MYRIP: variants seen among roughly 807,000 people sequenced by gnomAD.
The protein encoded by MYRIP is rab effector MyRIP.
In MYRIP, 49 loss-of-function variants were observed where a neutral mutation model predicts 98.0. The ratio of observed to expected loss-of-function variants is 0.50; its 90% CI spans 0.40 to 0.63. The LOEUF is 0.63. MYRIP is among the 30% of genes least tolerant of loss of function. The pLI, the probability that MYRIP is intolerant of heterozygous loss-of-function variation, is 0.00. For missense variants in MYRIP, 1,004 were observed against 1,058.2 expected (o/e 0.95, Z 0.71); for synonymous variants, 404 against 409.5 (o/e 0.99, Z 0.16).
intron 1 of MYRIP, among the ~76,000 whole-genome samples, chr3:39,848,679 T>C (rs1292280471): frequency 6.6e-6 from 1 of 152,248 alleles, no homozygotes; most frequent in Admixed American, 6.5e-5. Context: ...AAGTGAAGTA[T>C]ATCAGAAATC....
chr3:39,870,934 T>G (rs1376247840), intron 1 of MYRIP, among the ~76,000 whole-genome samples: 1 of 152,216 alleles, frequency 6.6e-6, no homozygotes, highest in Non-Finnish European at 1.5e-5. Context: ...TGTCATGTCT[T>G]CAGGTTTTCT....
chr3:40,108,619 A>G (rs1224439205), intron 3 of MYRIP, among the ~76,000 whole-genome samples: 2 of 152,192 alleles, frequency 1.3e-5, no homozygotes, highest in Admixed American at 6.5e-5. Flanking sequence ...AACAATGAGG[A>G]GGTTAAACAC....
rs199590074 is a variant in MYRIP at position 39,955,854 on chromosome 3, CA to C, written c.110+54936del. ...GAAGATCTACCAAGAAAATGGAAAA[CA>C]AAAAAAAGCAGGGGTTGCAATCATA... On this transcript the variant is annotated intron_variant, in intron 2 of 16. Coordinates refer to ENST00000302541, the MANE Select transcript of MYRIP (RefSeq NM_015460.4). 9.5e-3 allele frequency among the ~76,000 whole-genome samples: 1,437 copies of C among 151,070 alleles called. 24 individuals are homozygous for C. Among genetic ancestry groups the C allele is most frequent in the African/African-American group, 0.033 (1,378 of 41,210 alleles).
At chr3:40,176,838 G>A (rs1252301163) in intron 8 of MYRIP, among the ~76,000 whole-genome samples, 2 of 146,826 alleles carry the variant, frequency 1.4e-5, no homozygotes, top group African/African-American at 5.1e-5. Flanking sequence ...GAACCCAGGA[G>A]GCAGAGGTTG....
Position 40,014,137 on chromosome 3 carries a change from A to G in MYRIP, c.111-29913A>G, listed in dbSNP as rs563255572. Among the ~76,000 whole-genome samples, 5 of 152,318 alleles carry G rather than the reference A, an allele frequency of 3.3e-5. No homozygotes were observed. In the East Asian group the frequency reaches 9.6e-4, roughly 29 times the overall value. ...TTTGCTTTCCTGTGAAACTGTGATG[A>G]TTTAAGATTCTTATTTAATTAAATG... On this transcript the variant is annotated intron_variant, in intron 2 of 16. Transcript: ENST00000302541.
chr3:40,095,505 C>G (rs1410438487), intron 3 of MYRIP, among the ~76,000 whole-genome samples: 3 of 152,174 alleles, frequency 2.0e-5, no homozygotes, highest in Non-Finnish European at 4.4e-5. Context: ...TCTGCCTTCA[C>G]ACTCTGAGAA....
At chr3:39,916,932 A>G (rs989262411) in intron 2 of MYRIP, among the ~76,000 whole-genome samples, 1 of 152,154 alleles carries the variant, frequency 6.6e-6, no homozygotes, top group African/African-American at 2.4e-5. Context: ...AACATGCACT[A>G]TCATAAATTT....
At chr3:39,865,064 A>G (rs1444266158) in intron 1 of MYRIP, among the ~76,000 whole-genome samples, 2 of 152,192 alleles carry the variant, frequency 1.3e-5, no homozygotes, top group Admixed American at 1.3e-4. Flanking sequence ...AGAACTCCCT[A>G]TTCAATAAAT....
intron 3 of MYRIP, among the ~76,000 whole-genome samples, chr3:40,071,693 G>A (rs1234858390): frequency 1.3e-5 from 2 of 152,152 alleles, no homozygotes; most frequent in Non-Finnish European, 1.5e-5. Flanking sequence ...TGCTGGGGAG[G>A]TTGGGGTGGA....
At chr3:39,823,928 C>T (rs956099380) in intron 1 of MYRIP, among the ~76,000 whole-genome samples, 8 of 151,944 alleles carry the variant, frequency 5.3e-5, no homozygotes, top group Non-Finnish European at 1.2e-4. Flanking sequence ...AAATCTTTTT[C>T]CAGATCAATG....
chr3:40,198,161 CCTAAATATTTTAGA>C (rs1951450832), intron 10 of MYRIP, among the ~76,000 whole-genome samples: 1 of 152,286 alleles, frequency 6.6e-6, no homozygotes, highest in East Asian at 1.9e-4. Context: ...CTCCTACCCA[CCTAAATATTTTAGA>C]CTAAATACAT....
chr3:40,081,155 T>A (rs1164507462), intron 3 of MYRIP, among the ~76,000 whole-genome samples: 1 of 152,142 alleles, frequency 6.6e-6, no homozygotes, highest in Non-Finnish European at 1.5e-5. Context: ...CCTGCCCATG[T>A]TATGGTCAAC....
chr3:40,127,989 T>C (rs1316209618), intron 3 of MYRIP, among the ~76,000 whole-genome samples: 1 of 152,210 alleles, frequency 6.6e-6, no homozygotes, highest in Non-Finnish European at 1.5e-5. Context: ...ATATAACCAA[T>C]TGTCTATATT....
chr3:39,925,036 C>T (rs1470011390), intron 2 of MYRIP, among the ~76,000 whole-genome samples: 1 of 151,048 alleles, frequency 6.6e-6, no homozygotes, highest in Non-Finnish European at 1.5e-5. Flanking sequence ...ATCTAAGTTC[C>T]CATCATAAGA....
intron 2 of MYRIP, among the ~76,000 whole-genome samples, chr3:39,943,365 A>G (rs985591284): frequency 3.3e-5 from 5 of 152,148 alleles, no homozygotes; most frequent in Admixed American, 2.0e-4. Flanking sequence ...CTGTTGTTCC[A>G]TGTCCTTACT....
intron 2 of MYRIP, among the ~76,000 whole-genome samples, chr3:39,930,180 G>A (rs1471251309): frequency 6.6e-6 from 1 of 152,008 alleles, no homozygotes; most frequent in Non-Finnish European, 1.5e-5. Context: ...AGCAATGTAT[G>A]AGGGTTCCAG....
intron 2 of MYRIP, among the ~76,000 whole-genome samples, chr3:40,007,442 T>C (rs1946659068): frequency 6.6e-6 from 1 of 152,186 alleles, no homozygotes; most frequent in Admixed American, 6.5e-5. Flanking sequence ...CATACGTGAA[T>C]GCTTCTGGCC....
intron 2 of MYRIP, among the ~76,000 whole-genome samples, chr3:39,915,344 C>T (rs1390476858): frequency 6.6e-6 from 1 of 151,992 alleles, no homozygotes; most frequent in East Asian, 1.9e-4. Context: ...AACCTAAGAT[C>T]AACCCCTTTT....
At chr3:39,910,996 G>A (rs1287715654) in intron 2 of MYRIP, among the ~76,000 whole-genome samples, 2 of 152,120 alleles carry the variant, frequency 1.3e-5, no homozygotes, top group Admixed American at 6.5e-5. Context: ...TCTGAGTCAT[G>A]CCTCAGTGTT....
Sources: allele counts gnomAD v4.1 joint callset (sites outside exome capture counted in the v4.1 genomes callset), GRCh38; gene constraint gnomAD v4.1.1; transcripts MANE v1.5; gene names NCBI Gene and HGNC (gene_info 2026-07-23, HGNC 2026-07-21).